The following FOXP1 variants were observed in gnomAD, a reference collection of about 807,000 sequenced individuals.
The protein encoded by FOXP1 is forkhead box protein P1.
A neutral mutation model predicts 98.2 loss-of-function variants in FOXP1; 15 were observed. The observed-to-expected ratio is 0.15, with a 90% CI of 0.10 to 0.24. FOXP1 has a LOEUF of 0.24. FOXP1 is among the 10% of genes least tolerant of loss of function. The probability of loss-of-function intolerance (pLI) is 1.00; values close to 1 mark genes in which losing one functional copy is unlikely to be tolerated. For missense variants in FOXP1, 633 were observed against 848.5 expected, an observed-to-expected ratio of 0.75 and a Z score of 3.15; for synonymous variants, 371 against 314.5, an observed-to-expected ratio of 1.18 and a Z score of -1.90.
intron 4 of FOXP1, among the ~76,000 whole-genome samples, chr3:71,354,401 G>A (rs1218778423): frequency 3.3e-5 from 5 of 152,158 alleles, no homozygotes; most frequent in Admixed American, 6.5e-5. Flanking sequence ...GCAAGAAGGC[G>A]TACAGACACT....
At chr3:71,336,196 T>C (rs935081451) in intron 4 of FOXP1, among the ~76,000 whole-genome samples, 7 of 152,084 alleles carry the variant, frequency 4.6e-5, no homozygotes, top group African/African-American at 1.7e-4. Context: ...GTTTAAAAAA[T>C]GCAATAAATT....
At chr3:71,389,310 C>T (rs1206756767) in intron 3 of FOXP1, among the ~76,000 whole-genome samples, 5 of 140,994 alleles carry the variant, frequency 3.5e-5, no homozygotes, top group Non-Finnish European at 6.1e-5. Context: ...CTGAGGCTTT[C>T]CTACAAGGGA....
At chr3:71,524,272 G>A (rs2043204968) in intron 2 of FOXP1, among the ~76,000 whole-genome samples, 1 of 152,116 alleles carries the variant, frequency 6.6e-6, no homozygotes, top group South Asian at 2.1e-4. Context: ...GCTGAGGCAG[G>A]AGAATCACTT....
chr3:71,006,738 A>G (rs2042855846), intron 12 of FOXP1, among the ~76,000 whole-genome samples: 1 of 152,260 alleles, frequency 6.6e-6, no homozygotes, highest in Non-Finnish European at 1.5e-5. Context: ...ACACTCAACA[A>G]TGCATCTACA....
At position 71,273,891 on chromosome 3, in the gene FOXP1, G is replaced by A. The variant is rs933934016; in HGVS notation, c.-12+25929C>T. ...AGGGCAGTGCAAAGGCCATTGTGAG[G>A]CTAGATAAATACAACTTAATGATAA... is the stretch of plus-strand genomic sequence containing the variant. On this transcript the variant is annotated intron_variant, in intron 5 of 20. Transcript: ENST00000649528. 3.9e-5 allele frequency among the ~76,000 whole-genome samples: 6 copies of A among 152,198 alleles called. No homozygotes were observed. The East Asian group carries it at 1.2e-3, about 29-fold the overall frequency.
intron 3 of FOXP1, among the ~76,000 whole-genome samples, chr3:71,434,822 T>C (rs1419538453): frequency 6.6e-6 from 1 of 152,056 alleles, no homozygotes; most frequent in African/African-American, 2.4e-5. Context: ...AAGATGAACA[T>C]TTGTACTATA....
chr3:71,199,152 G>A (rs2063496416), intron 5 of FOXP1, among the ~76,000 whole-genome samples: 1 of 149,098 alleles, frequency 6.7e-6, no homozygotes, highest in Admixed American at 6.7e-5. Context: ...CTGTCGCCGA[G>A]GATGAAGTGC....
intron 3 of FOXP1, among the ~76,000 whole-genome samples, chr3:71,398,742 C>T (rs2081736473): frequency 6.6e-6 from 1 of 152,214 alleles, no homozygotes; most frequent in African/African-American, 2.4e-5. Context: ...ATCTAACTTA[C>T]ATCTTCATGA....
intron 11 of FOXP1, among the ~76,000 whole-genome samples, chr3:71,018,443 C>A (rs996507210): frequency 2.6e-5 from 4 of 152,158 alleles, no homozygotes; most frequent in Admixed American, 2.6e-4. Context: ...CTTGTTTTCA[C>A]AAGTTCACAT....
intron 3 of FOXP1, among the ~76,000 whole-genome samples, chr3:71,368,002 A>G (rs1300642349): frequency 1.3e-5 from 2 of 152,238 alleles, no homozygotes; most frequent in Non-Finnish European, 2.9e-5. Flanking sequence ...CTTAGGGTTG[A>G]ATATTTCATT....
intron 5 of FOXP1, among the ~76,000 whole-genome samples, chr3:71,279,243 C>T (rs1023686296): frequency 1.7e-4 from 25 of 146,240 alleles, no homozygotes; most frequent in African/African-American, 5.8e-4. Context: ...TTGGGGAATA[C>T]ATACATAAAA....
At chr3:71,364,960 A>G (rs560286269) in intron 3 of FOXP1, among the ~76,000 whole-genome samples, 1 of 152,232 alleles carries the variant, frequency 6.6e-6, no homozygotes, top group Non-Finnish European at 1.5e-5. Flanking sequence ...CTGTAAAGGA[A>G]CACTTAGTGA....
chr3:71,060,132 T>C (rs1037232764), intron 7 of FOXP1, among the ~76,000 whole-genome samples: 4 of 152,212 alleles, frequency 2.6e-5, no homozygotes, highest in Admixed American at 1.3e-4. Flanking sequence ...GTATTTTTTT[T>C]CCCATATTAC....
intron 2 of FOXP1, chr3:71,541,969 CAG>C (rs781246198): frequency 5.4e-5 from 29 of 533,066 alleles, no homozygotes; most frequent in South Asian, 3.7e-4. Flanking sequence ...CCGCGCGAGA[CAG>C]ATTTTCAGTA....
At chr3:71,318,857 C>G (rs1009653556) in intron 4 of FOXP1, among the ~76,000 whole-genome samples, 1 of 152,126 alleles carries the variant, frequency 6.6e-6, no homozygotes, top group Non-Finnish European at 1.5e-5. Context: ...AAAGAGAAGT[C>G]GTATTAACTC....
At chr3:71,361,710 C>G (rs1577133141) in intron 3 of FOXP1, among the ~76,000 whole-genome samples, 1 of 152,274 alleles carries the variant, frequency 6.6e-6, no homozygotes, top group East Asian at 1.9e-4. Flanking sequence ...CAGTGAGACG[C>G]CGGTCTGCTT....
chr3:71,533,550 G>A (rs1184005865), intron 2 of FOXP1, among the ~76,000 whole-genome samples: 1 of 152,032 alleles, frequency 6.6e-6, no homozygotes, highest in Non-Finnish European at 1.5e-5. Flanking sequence ...TTATGTTTTG[G>A]GGAATCATAA....
chr3:71,404,299 G>A (rs2082161355), intron 3 of FOXP1, among the ~76,000 whole-genome samples: 2 of 151,438 alleles, frequency 1.3e-5, no homozygotes, highest in South Asian at 4.2e-4. Context: ...GGCTAATTTT[G>A]TATTTTTAGT....
intron 6 of FOXP1, among the ~76,000 whole-genome samples, chr3:71,142,704 G>T (rs1420120722): frequency 6.6e-6 from 1 of 152,202 alleles, no homozygotes; most frequent in Admixed American, 6.5e-5. Context: ...GGAGCCTCTT[G>T]ACGAGGAATC....
Sources: allele counts gnomAD v4.1 joint callset (sites outside exome capture counted in the v4.1 genomes callset), GRCh38; gene constraint gnomAD v4.1.1; transcripts MANE v1.5; gene names NCBI Gene and HGNC (gene_info 2026-07-23, HGNC 2026-07-21).